The following DNAH5 variants were observed in gnomAD, a reference collection of about 807,000 sequenced individuals.
The protein encoded by DNAH5 is dynein axonemal heavy chain 5, also known as axonemal beta dynein heavy chain 5.
A neutral mutation model predicts 518.2 loss-of-function variants in DNAH5; 372 were observed. The ratio of observed to expected loss-of-function variants is 0.72; its 90% confidence interval spans 0.66 to 0.78. The LOEUF is 0.78. DNAH5 is among the 30% of genes least tolerant of loss of function. The probability of loss-of-function intolerance (pLI) is 0.00; values close to 1 mark genes in which losing one functional copy is unlikely to be tolerated. For missense variants in DNAH5, 5,523 were observed against 5,687.0 expected, an observed-to-expected ratio of 0.97 and a Z score of 0.93; for synonymous variants, 2,039 against 2,025.9, an observed-to-expected ratio of 1.01 and a Z score of -0.17.
chr5:13,743,187 G>T (rs564960392), intron 65 of DNAH5, among the ~76,000 whole-genome samples: 16 of 151,988 alleles, frequency 1.1e-4, no homozygotes, highest in Non-Finnish European at 1.6e-4. Flanking sequence ...TAGATATATT[G>T]ATAGATAGGT....
At chr5:13,814,896 G>A in intron 42 of DNAH5, 50 bp from the exon 43 acceptor site, 1 of 1,573,896 alleles carries the variant, frequency 6.4e-7, no homozygotes, top group Non-Finnish European at 8.7e-7. Context: ...CTCATGCAGT[G>A]CATGTACACA....
At chr5:13,796,539 C>T (rs533695828) in intron 47 of DNAH5, among the ~76,000 whole-genome samples, 6 of 151,826 alleles carry the variant, frequency 4.0e-5, no homozygotes, top group South Asian at 2.1e-4. Context: ...CACTGCGCCA[C>T]GAAATAAAAG....
At chr5:13,786,477 A>G (rs1756031919) in intron 51 of DNAH5, 126 bp from the exon 52 acceptor site, 2 of 1,020,284 alleles carry the variant, frequency 2.0e-6, no homozygotes, top group African/African-American at 1.6e-5. Flanking sequence ...TAAATGCCAT[A>G]GTGTGTATTT....
intron 34 of DNAH5, 146 bp from the exon 35 acceptor site, chr5:13,839,674 G>A: frequency 1.4e-6 from 1 of 700,922 alleles, no homozygotes; most frequent in African/African-American, 1.8e-5. Flanking sequence ...TGTATCACCA[G>A]CCAAGCTATT....
chr5:13,854,479 A>G (rs1767333522), intron 30 of DNAH5, among the ~76,000 whole-genome samples: 1 of 152,266 alleles, frequency 6.6e-6, no homozygotes, highest in Non-Finnish European at 1.5e-5. Flanking sequence ...CAAAATAACC[A>G]GCTAGCATCA....
At chr5:13,825,191 A>G (rs1762733917) in intron 38 of DNAH5, among the ~76,000 whole-genome samples, 1 of 152,042 alleles carries the variant, frequency 6.6e-6, no homozygotes, top group Non-Finnish European at 1.5e-5. Context: ...AAAAATTACA[A>G]AAATTAACCA....
At position 13,727,527 on chromosome 5, in the gene DNAH5, G is replaced by T; in HGVS notation, c.12013C>A (p.Pro4005Thr). 1 of 1,613,330 alleles carries T rather than the reference G, an allele frequency of 6.2e-7. No individual in the cohort carries two copies. Among genetic ancestry groups the T allele is most frequent in the Non-Finnish European group, 8.5e-7 (1 of 1,179,552 alleles). ...TTTACCTGGGCGATGGTTCTGTCAG[G>T]ACACCAGGATCTAATAAGGAGAAGA... ...RRLLLIRSWC[P>T]DRTIAQARKY... The change falls in exon 70 of 79, where the codon CCT (proline) becomes ACT (threonine). Residue 4005 changes from proline to threonine, a missense_variant. Pro to Thr is a conservative substitution (Grantham distance 38). Around this residue, in one of 3 missense-constraint regions of DNAH5, gnomAD observed 5,121 missense variants for 5,223.3 expected, o/e 0.98. Coordinates refer to ENST00000265104, the MANE Select transcript of DNAH5 (RefSeq NM_001369.3).
At chr5:13,974,212 T>C (rs1270723999) in intron 1 of DNAH5, among the ~76,000 whole-genome samples, 1 of 151,642 alleles carries the variant, frequency 6.6e-6, no homozygotes, top group Non-Finnish European at 1.5e-5. Context: ...CTTGGGTTAC[T>C]GCAACCTCTG....
intron 35 of DNAH5, among the ~76,000 whole-genome samples, chr5:13,838,668 T>A (rs917041570): frequency 6.6e-6 from 1 of 152,204 alleles, no homozygotes; most frequent in African/African-American, 2.4e-5. Context: ...TATCTCATTA[T>A]CCATTACAAT....
chr5:13,838,169 G>A (rs1421449142), intron 35 of DNAH5, among the ~76,000 whole-genome samples: 1 of 152,196 alleles, frequency 6.6e-6, no homozygotes, highest in Non-Finnish European at 1.5e-5. Context: ...ATACAATGTA[G>A]TTGATATTAC....
At position 13,776,719 on chromosome 5, in the gene DNAH5, TA is replaced by T; in HGVS notation, c.9106-14del. 3.1e-6 allele frequency: 5 copies of T among 1,613,296 alleles called. No homozygotes were observed. The highest frequency in any genetic ancestry group is 2.2e-5 in the East Asian group (1 of 44,862). On this transcript the variant is annotated splice_polypyrimidine_tract_variant and intron_variant, in intron 54 of 78. Transcript: ENST00000265104. ...ATAGGTTAGAGACCTTAAAAAGAAG[TA>T]CAGGCATGCAAATTCAGTACACACA...
chr5:13,913,843 C>T lies in DNAH5; in HGVS notation c.1436G>A (p.Arg479His), dbSNP rs150601733. 5.7e-5 allele frequency: 92 copies of T among 1,613,412 alleles called. No homozygotes were observed. Among genetic ancestry groups the T allele is most frequent in the Middle Eastern group, 1.6e-4 (1 of 6,082 alleles). ...AAAGATGTCTATTATCTTGGCAAGG[C>T]GTCGGTGAAAAGTTTCGAATTTTCC... ...IFGKFETFHRRLAKIIDIFTT... is the reference protein window; with the variant it reads ...IFGKFETFHRHLAKIIDIFTT... Residue 479 changes from arginine (R) to histidine (H), a missense_variant, in exon 11 of 79, where the codon CGC (arginine) becomes CAC (histidine). Arg to His is a conservative substitution (Grantham distance 29). Coordinates refer to ENST00000265104, the MANE Select transcript of DNAH5 (RefSeq NM_001369.3).
intron 74 of DNAH5, among the ~76,000 whole-genome samples, 172 bp from the exon 75 acceptor site, chr5:13,714,792 A>G (rs554261666): frequency 2.3e-4 from 35 of 152,400 alleles, no homozygotes; most frequent in African/African-American, 8.2e-4. Context: ...TTTCCTTTAA[A>G]AAAACAATTA....
intron 68 of DNAH5, among the ~76,000 whole-genome samples, chr5:13,734,463 C>G (rs1265578296): frequency 6.6e-6 from 1 of 152,148 alleles, no homozygotes; most frequent in African/African-American, 2.4e-5. Flanking sequence ...CCAGGGGACA[C>G]GGCTGTGAGC....
In DNAH5 at chr5:13,901,383, T is replaced by A; in HGVS notation, c.1921A>T (p.Met641Leu). 6.2e-7 allele frequency: 1 copy of A among 1,614,160 alleles called. No individual in the cohort carries two copies. ...RQLFHRIQQP[M>L]QLFQQHPAVL... is the part of the protein sequence containing the mutation. The stretch of plus-strand genomic sequence containing the variant: ...GCTGGGTGCTGCTGGAAAAGCTGCA[T>A]GGGCTGCTGAATCCTATGGAAGAGC... Residue 641 changes from methionine to leucine, a missense_variant, in exon 14 of 79, where the codon ATG (methionine) becomes TTG (leucine). Met to Leu is a conservative substitution (Grantham distance 15, BLOSUM62 2). Transcript: ENST00000265104.
intron 7 of DNAH5, among the ~76,000 whole-genome samples, chr5:13,918,532 C>T (rs973968133): frequency 3.3e-5 from 5 of 152,230 alleles, no homozygotes; most frequent in East Asian, 1.9e-4. Context: ...CGCAGTGGCA[C>T]GACCTCGGCT....
At chr5:13,845,924 G>A (rs866239300) in intron 31 of DNAH5, among the ~76,000 whole-genome samples, 3 of 147,870 alleles carry the variant, frequency 2.0e-5, no homozygotes, top group South Asian at 2.1e-4. Flanking sequence ...TCCACTTCCC[G>A]GGTTCAAGTG....
intron 17 of DNAH5, among the ~76,000 whole-genome samples, chr5:13,888,118 C>T (rs1240371878): frequency 1.3e-5 from 2 of 152,180 alleles, no homozygotes; most frequent in Non-Finnish European, 2.9e-5. Flanking sequence ...GAAGACAAAT[C>T]GGCCTCCATC....
intron 43 of DNAH5, among the ~76,000 whole-genome samples, chr5:13,813,579 G>C (rs1357092120): frequency 1.3e-5 from 2 of 151,956 alleles, no homozygotes; most frequent in Non-Finnish European, 2.9e-5. Flanking sequence ...TGCAAAAACA[G>C]GGTTGCAACC....
Sources: allele counts gnomAD v4.1 joint callset (sites outside exome capture counted in the v4.1 genomes callset), GRCh38; gene constraint gnomAD v4.1.1; regional missense constraint gnomAD v4.1.1; transcripts MANE v1.5; gene names NCBI Gene and HGNC (gene_info 2026-07-23, HGNC 2026-07-21).